The following SLC3A1 variants were observed in gnomAD, a reference collection of about 807,000 sequenced individuals.
SLC3A1 encodes solute carrier family 3 member 1.
In SLC3A1, 78 loss-of-function variants were observed where a neutral mutation model predicts 60.3. The observed-to-expected ratio is 1.29, with a 90% CI of 1.08 to 1.56. The LOEUF (loss-of-function observed/expected upper bound fraction) is 1.56. SLC3A1 is among the 40% of genes most tolerant of loss of function. The probability of loss-of-function intolerance (pLI) is 0.00; values close to 1 mark genes in which losing one functional copy is unlikely to be tolerated. For missense variants in SLC3A1, 1,172 were observed against 858.9 expected, an observed-to-expected ratio of 1.36 and a Z score of -4.56; for synonymous variants, 392 against 307.9, an observed-to-expected ratio of 1.27 and a Z score of -2.86.
chr2:44,317,397 G>A (rs1005429277), intron 9 of SLC3A1, among the ~76,000 whole-genome samples: 3 of 151,642 alleles, frequency 2.0e-5, no homozygotes, highest in South Asian at 2.1e-4. Flanking sequence ...AGGATGTTGA[G>A]GCTGCAGTGA....
rs553184100 is a variant in SLC3A1 at position 44,293,547 on chromosome 2, G to A, written c.892-6424G>A. 2.7e-4 allele frequency among the ~76,000 whole-genome samples: 41 copies of A among 152,108 alleles called. No homozygotes were observed. In the South Asian group the frequency reaches 7.5e-3, roughly 28 times the overall value. ...GGAAAAAAAAAAGATATAAGGACACGGAGCTCAGGGAAAAGTCTAGTCTAG... is the reference window on the plus strand; with the variant it reads ...GGAAAAAAAAAAGATATAAGGACACAGAGCTCAGGGAAAAGTCTAGTCTAG... On this transcript the variant is annotated intron_variant, in intron 4 of 9. Coordinates refer to ENST00000260649, the MANE Select transcript of SLC3A1 (RefSeq NM_000341.4).
At chr2:44,299,848 G>T (rs372165554) in intron 4 of SLC3A1, 123 bp from the exon 5 acceptor site, 1 of 1,009,358 alleles carries the variant, frequency 9.9e-7, no homozygotes, top group African/African-American at 1.6e-5. Flanking sequence ...TGTGAATACT[G>T]TGCTTGTTCT....
chr2:44,300,219 ATTTC>A (rs1487219157), intron 5 of SLC3A1, 129 bp downstream of exon 5: 2 of 930,172 alleles, frequency 2.2e-6, no homozygotes, highest in Non-Finnish European at 3.3e-6. Flanking sequence ...ACCCTGATTT[ATTTC>A]TTTAGGAAAT....
downstream of SLC3A1, chr2:44,321,581 G>C: frequency 1.3e-6 from 2 of 1,494,208 alleles, no homozygotes; most frequent in Non-Finnish European, 8.9e-7. Context: ...TCATTCGAGA[G>C]AGAGGCAGAA....
intron 4 of SLC3A1, among the ~76,000 whole-genome samples, chr2:44,293,893 G>C (rs910592404): frequency 6.6e-6 from 1 of 152,138 alleles, no homozygotes; most frequent in Non-Finnish European, 1.5e-5. Flanking sequence ...AACAATAATG[G>C]TACGTACCTA....
intron 1 of SLC3A1, among the ~76,000 whole-genome samples, chr2:44,277,906 A>G (rs78424052): frequency 2.0e-3 from 304 of 152,282 alleles, no homozygotes; most frequent in African/African-American, 6.8e-3. Context: ...GTTATTATGA[A>G]GATCCCATTC....
At chr2:44,300,425 A>G (rs902457354) in intron 5 of SLC3A1, among the ~76,000 whole-genome samples, 4 of 152,190 alleles carry the variant, frequency 2.6e-5, no homozygotes, top group African/African-American at 9.7e-5. Flanking sequence ...TCAAGTGAGG[A>G]GGCCTTGGCT....
rs1003083824 is a variant in SLC3A1 at position 44,286,268 on chromosome 2, T to C, written c.891+111T>C. 5 of 1,006,214 alleles carry C rather than the reference T, an allele frequency of 5.0e-6. No individual in the cohort carries two copies. In the African/African-American group the frequency reaches 8.0e-5, roughly 16 times the overall value. 62.3% of individuals were successfully genotyped at this position (1,006,214 alleles called of 1,614,324 possible). On this transcript the variant is annotated intron_variant, in intron 4 of 9. Coordinates refer to ENST00000260649, the MANE Select transcript of SLC3A1 (RefSeq NM_000341.4). ...TAGGCAAAATCAAGTCTTTAATTAT[T>C]TGAAATACTCTATAGTTATTTGAAA...
At chr2:44,312,179 T>C (rs1457288142) in intron 7 of SLC3A1, among the ~76,000 whole-genome samples, 1 of 152,186 alleles carries the variant, frequency 6.6e-6, no homozygotes, top group Non-Finnish European at 1.5e-5. Context: ...GTCTGAATAA[T>C]TCATAAGTCA....
intron 4 of SLC3A1, among the ~76,000 whole-genome samples, chr2:44,297,920 T>A (rs1671895500): frequency 6.6e-6 from 1 of 152,162 alleles, no homozygotes. Context: ...TCAAGGTTCA[T>A]CCATGTCGTA....
At chr2:44,287,242 CAGGT>C (rs1015271470) in intron 4 of SLC3A1, among the ~76,000 whole-genome samples, 8 of 151,984 alleles carry the variant, frequency 5.3e-5, no homozygotes, top group African/African-American at 1.2e-4. Context: ...ATCGGAGTGT[CAGGT>C]AGAAGTGGCT....
intron 4 of SLC3A1, among the ~76,000 whole-genome samples, chr2:44,294,440 G>C (rs921090690): frequency 6.6e-6 from 1 of 151,474 alleles, no homozygotes; most frequent in Non-Finnish European, 1.5e-5. Context: ...GGGAGGCAAA[G>C]GTTGCAGAGC....
chr2:44,312,941 A>G (rs1210972022), intron 8 of SLC3A1, among the ~76,000 whole-genome samples, 188 bp downstream of exon 8: 5 of 152,044 alleles, frequency 3.3e-5, no homozygotes, highest in Non-Finnish European at 7.4e-5. Flanking sequence ...TTATTTTAAA[A>G]ATGCTTTGGA....
chr2:44,302,710 T>C (rs1047023087), intron 6 of SLC3A1, among the ~76,000 whole-genome samples: 1 of 152,250 alleles, frequency 6.6e-6, no homozygotes, highest in African/African-American at 2.4e-5. Flanking sequence ...CAAGATGTTA[T>C]AGGGACTCCA....
Position 44,304,348 on chromosome 2 carries a change from C to T in SLC3A1, c.1332+10C>T. On this transcript the variant is annotated intron_variant, in intron 7 of 9. Coordinates refer to ENST00000260649, the MANE Select transcript of SLC3A1 (RefSeq NM_000341.4). ...ATGGCCTAACTGGATGGTAAGTCCT[C>T]ATGACAGCAGAGTACATAATGTGCT... 1 of 1,600,980 alleles carries T rather than the reference C, an allele frequency of 6.2e-7. No homozygotes were observed. The highest frequency in any genetic ancestry group is 8.6e-7 in the Non-Finnish European group (1 of 1,167,982).
At chr2:44,295,072 G>GT (rs1283106660) in intron 4 of SLC3A1, among the ~76,000 whole-genome samples, 1 of 152,082 alleles carries the variant, frequency 6.6e-6, no homozygotes, top group African/African-American at 2.4e-5. Context: ...ATCATCCCAT[G>GT]TAAGAGTAGA....
chr2:44,317,908 T>G, intron 9 of SLC3A1: 1 of 236,514 alleles, frequency 4.2e-6, no homozygotes, highest in South Asian at 4.0e-5. Flanking sequence ...AAAACAGACA[T>G]AAGAAACACT....
At chr2:44,278,171 G>A (rs1450262564) in intron 1 of SLC3A1, among the ~76,000 whole-genome samples, 3 of 152,092 alleles carry the variant, frequency 2.0e-5, no homozygotes, top group Admixed American at 6.6e-5. Context: ...CAGGCCAGGC[G>A]TGGTGGCTCA....
At chr2:44,292,810 T>C (rs922102151) in intron 4 of SLC3A1, among the ~76,000 whole-genome samples, 1 of 152,150 alleles carries the variant, frequency 6.6e-6, no homozygotes, top group African/African-American at 2.4e-5. Context: ...GAGAGGTCAC[T>C]GGGGGTGAGG....
Sources: gnomAD v4.1 joint callset for allele counts (sites outside exome capture counted in the v4.1 genomes callset) on GRCh38, gnomAD v4.1.1 for gene constraint, MANE v1.5 for transcripts, NCBI Gene and HGNC (gene_info 2026-07-23, HGNC 2026-07-21) for gene names.